ZNF385D: variants seen among roughly 807,000 people sequenced by gnomAD.
ZNF385D encodes zinc finger protein 659.
A neutral mutation model predicts 35.8 loss-of-function variants in ZNF385D; 15 were observed. The observed-to-expected ratio is 0.42, with a 90% CI of 0.28 to 0.64. ZNF385D has a LOEUF of 0.64. Among genes scored for constraint, ZNF385D ranks in the 30% least tolerant of loss-of-function variants. The pLI is 0.23. For missense variants in ZNF385D, 474 were observed against 494.6 expected (o/e 0.96, Z 0.39); for synonymous variants, 212 against 186.8 (o/e 1.13, Z -1.10).
intron 3 of ZNF385D, among the ~76,000 whole-genome samples, chr3:21,519,486 C>T (rs1707781856): frequency 6.6e-6 from 1 of 152,066 alleles, no homozygotes; most frequent in African/African-American, 2.4e-5. Flanking sequence ...CTGCCTGGTT[C>T]CTATTATGAA....
chr3:21,988,625 T>C (rs1694956626), intron 3 of ZNF385D, among the ~76,000 whole-genome samples: 1 of 151,096 alleles, frequency 6.6e-6, no homozygotes, highest in Admixed American at 6.6e-5. Flanking sequence ...TCTTTTTGTT[T>C]GTCTGTGCCC....
In ZNF385D at chr3:21,570,384, C is replaced by G. The variant is rs531703710; in HGVS notation, c.166-5700G>C. Among the ~76,000 whole-genome samples the G allele has an allele frequency of 2.0e-5, 3 of 152,274 alleles. No homozygotes were observed. In the South Asian group the frequency reaches 6.2e-4, roughly 32 times the overall value. On this transcript the variant is annotated intron_variant, in intron 2 of 7. Transcript: ENST00000281523. Reference sequence around the variant, plus strand: ...AGTACAGCAGCCGCAGCTCAAGGTTCCCTTCTCTAGGACTGTTGTATTTTC... The same window carrying G: ...AGTACAGCAGCCGCAGCTCAAGGTTGCCTTCTCTAGGACTGTTGTATTTTC...
intron 3 of ZNF385D, among the ~76,000 whole-genome samples, chr3:21,901,210 C>T (rs1015648099): frequency 1.3e-5 from 2 of 152,116 alleles, no homozygotes; most frequent in Non-Finnish European, 2.9e-5. Flanking sequence ...CGGTTAAATC[C>T]TTGTGATCCC....
chr3:22,004,367 CT>C (rs1232642028), intron 3 of ZNF385D, among the ~76,000 whole-genome samples: 5 of 139,038 alleles, frequency 3.6e-5, no homozygotes, highest in Non-Finnish European at 6.6e-5. Flanking sequence ...GGACATTGGT[CT>C]AAACAAAAGT....
chr3:22,097,764 C>G (rs921364836), intron 3 of ZNF385D, among the ~76,000 whole-genome samples: 23 of 151,986 alleles, frequency 1.5e-4, no homozygotes, highest in Non-Finnish European at 3.1e-4. Flanking sequence ...AAAGTGTCCC[C>G]TGTGACAGGG....
chr3:21,851,003 C>T (rs1250493626), intron 3 of ZNF385D, among the ~76,000 whole-genome samples: 1 of 151,988 alleles, frequency 6.6e-6, no homozygotes. Flanking sequence ...GAAAATATAA[C>T]TCATAACTAG....
intron 3 of ZNF385D, among the ~76,000 whole-genome samples, chr3:22,058,313 A>G (rs1699514938): frequency 6.6e-6 from 1 of 152,252 alleles, no homozygotes. Context: ...ATTTGATATT[A>G]GCTAATTCAA....
chr3:21,856,270 C>T (rs1333948669), intron 3 of ZNF385D, among the ~76,000 whole-genome samples: 1 of 141,100 alleles, frequency 7.1e-6, no homozygotes, highest in East Asian at 1.9e-4. Context: ...AAAGTGCAGA[C>T]ACTGGAATGT....
rs543116101 is a variant in ZNF385D at position 21,928,154 on chromosome 3, T to G, written c.325+240663A>C. 1.9e-4 allele frequency among the ~76,000 whole-genome samples: 29 copies of G among 152,040 alleles called. No individual in the cohort carries two copies. The South Asian group carries it at 6.0e-3, about 32-fold the overall frequency. ...TGAGGCCAGGTGTTCACAGTTGTAGTGTGCTATCTTCACATGACTGCACTA... is the reference window on the plus strand; with the variant it reads ...TGAGGCCAGGTGTTCACAGTTGTAGGGTGCTATCTTCACATGACTGCACTA... On this transcript the variant is annotated intron_variant, in intron 3 of 5. Coordinates refer to the ZNF385D transcript ENST00000494108.
chr3:21,812,941 C>T (rs1175358267), intron 3 of ZNF385D, among the ~76,000 whole-genome samples: 1 of 152,192 alleles, frequency 6.6e-6, no homozygotes, highest in African/African-American at 2.4e-5. Flanking sequence ...GGAGACACCT[C>T]CCAGTACGGG....
chr3:21,798,663 TC>T (rs1208366989), intron 3 of ZNF385D, among the ~76,000 whole-genome samples: 2 of 152,144 alleles, frequency 1.3e-5, no homozygotes, highest in Non-Finnish European at 2.9e-5. Flanking sequence ...CATAATGTAA[TC>T]TAAGCAGGGA....
At chr3:21,880,103 G>T (rs529355866) in intron 3 of ZNF385D, among the ~76,000 whole-genome samples, 18 of 151,888 alleles carry the variant, frequency 1.2e-4, no homozygotes, top group African/African-American at 4.1e-4. Context: ...ATGACATTAT[G>T]GTTTCCTACC....
chr3:21,720,308 C>A (rs546580168), intron 1 of ZNF385D, among the ~76,000 whole-genome samples: 1 of 152,182 alleles, frequency 6.6e-6, no homozygotes, highest in Admixed American at 6.5e-5. Flanking sequence ...AATCCCAGTA[C>A]TTTGGGAGGC....
At chr3:22,284,357 CT>C (rs957242592) in intron 2 of ZNF385D, among the ~76,000 whole-genome samples, 1 of 151,498 alleles carries the variant, frequency 6.6e-6, no homozygotes, top group Non-Finnish European at 1.5e-5. Flanking sequence ...CCCGGCTATT[CT>C]TTTTTTTATT....
chr3:21,756,694 G>T (rs567452824), intron 3 of ZNF385D, among the ~76,000 whole-genome samples: 1 of 152,182 alleles, frequency 6.6e-6, no homozygotes, highest in Admixed American at 6.5e-5. Context: ...AGTTAGTGAT[G>T]AATATTTGTT....
Position 21,751,134 on chromosome 3 carries a change from G to A in ZNF385D, c.-218C>T, listed in dbSNP as rs1174532553. ...GGCGGCTGGAGAGTGCGCTCGGGCTGCCTGCTGCACTGCCCATCCTTACTG... is the reference window on the plus strand; with the variant it reads ...GGCGGCTGGAGAGTGCGCTCGGGCTACCTGCTGCACTGCCCATCCTTACTG... On this transcript the variant is annotated 5_prime_UTR_variant, in exon 1 of 8. It introduces an in-frame stop codon into an upstream open reading frame of the 5' UTR. Transcript: ENST00000281523. 6.2e-6 allele frequency: 9 copies of A among 1,457,284 alleles called. No homozygotes were observed. Among genetic ancestry groups the A allele is most frequent in the Admixed American group, 5.2e-5 (2 of 38,236 alleles). 90.3% of individuals were successfully genotyped at this position (1,457,284 alleles called of 1,614,324 possible).
chr3:21,508,520 T>C (rs1706957122), intron 4 of ZNF385D, among the ~76,000 whole-genome samples: 1 of 152,116 alleles, frequency 6.6e-6, no homozygotes, highest in Non-Finnish European at 1.5e-5. Flanking sequence ...CCCTTCCAAT[T>C]ACTGATATTT....
intron 3 of ZNF385D, among the ~76,000 whole-genome samples, chr3:21,776,880 C>T (rs2071310409): frequency 6.6e-6 from 1 of 151,920 alleles, no homozygotes; most frequent in Non-Finnish European, 1.5e-5. Context: ...TCCAAAGACA[C>T]AGATAGGTTT....
chr3:22,144,712 A>T (rs1704738947), intron 3 of ZNF385D, among the ~76,000 whole-genome samples: 2 of 151,164 alleles, frequency 1.3e-5, no homozygotes, highest in Admixed American at 1.3e-4. Context: ...CAAAATTTTT[A>T]TTTATTATTA....
Sources: gnomAD v4.1 joint callset for allele counts (sites outside exome capture counted in the v4.1 genomes callset) on GRCh38, gnomAD v4.1.1 for gene constraint, MANE v1.5 for transcripts, NCBI Gene and HGNC (gene_info 2026-07-23, HGNC 2026-07-21) for gene names.